The following TMEM132D variants were observed in gnomAD, a reference collection of about 807,000 sequenced individuals.
The protein encoded by TMEM132D is transmembrane protein 132D.
A neutral mutation model predicts 62.3 loss-of-function variants in TMEM132D; 21 were observed. The ratio of observed to expected loss-of-function variants is 0.34; its 90% CI spans 0.24 to 0.49. The LOEUF is 0.49. TMEM132D is among the 20% of genes least tolerant of loss of function. The pLI is 0.99. For missense variants in TMEM132D, 1,346 were observed against 1,402.8 expected (o/e 0.96, Z 0.65); for synonymous variants, 621 against 575.6 (o/e 1.08, Z -1.13).
At chr12:129,835,908 C>A (rs987759114) in intron 1 of TMEM132D, among the ~76,000 whole-genome samples, 6 of 152,208 alleles carry the variant, frequency 3.9e-5, no homozygotes, top group Admixed American at 3.3e-4. Context: ...AGGTGTGGAG[C>A]CCTCCTGGGC....
chr12:129,395,583 A>C (rs1321252223), intron 3 of TMEM132D, among the ~76,000 whole-genome samples: 3 of 152,008 alleles, frequency 2.0e-5, no homozygotes. Context: ...GCAATAAAAG[A>C]ATGGGTATTC....
chr12:129,502,544 G>A (rs780356432), intron 3 of TMEM132D, among the ~76,000 whole-genome samples: 8 of 151,878 alleles, frequency 5.3e-5, no homozygotes, highest in Non-Finnish European at 1.0e-4. Context: ...CTAGATCCAG[G>A]TGTTCAAACA....
At chr12:129,344,194 G>A (rs527460116) in intron 3 of TMEM132D, among the ~76,000 whole-genome samples, 86 of 152,122 alleles carry the variant, frequency 5.7e-4, no homozygotes, top group Non-Finnish European at 1.1e-3. Flanking sequence ...TCTTTCTTGC[G>A]TGAGATCCAA....
intron 3 of TMEM132D, among the ~76,000 whole-genome samples, chr12:129,362,304 G>A (rs1367692382): frequency 6.6e-6 from 1 of 152,110 alleles, no homozygotes; most frequent in Admixed American, 6.5e-5. Flanking sequence ...ACACTCAGAA[G>A]TACAAGGCAA....
intron 2 of TMEM132D, among the ~76,000 whole-genome samples, chr12:129,638,884 G>A (rs1418538564): frequency 6.6e-6 from 1 of 152,066 alleles, no homozygotes; most frequent in Non-Finnish European, 1.5e-5. Context: ...AGGGGCAAAT[G>A]AGAGTGCACA....
chr12:129,267,542 C>A (rs1854183995), intron 4 of TMEM132D, among the ~76,000 whole-genome samples: 1 of 152,142 alleles, frequency 6.6e-6, no homozygotes, highest in African/African-American at 2.4e-5. Context: ...AGGACACAAA[C>A]AAATGGAAGA....
chr12:129,686,780 G>C (rs10847921), intron 2 of TMEM132D, among the ~76,000 whole-genome samples: 42,955 of 151,942 alleles, frequency 0.28, 6,291 homozygotes, highest in South Asian at 0.36. Flanking sequence ...ATTGATTTCT[G>C]TCTTCCTACA....
At chr12:129,677,096 G>A (rs1261988499) in intron 2 of TMEM132D, among the ~76,000 whole-genome samples, 2 of 152,070 alleles carry the variant, frequency 1.3e-5, no homozygotes, top group African/African-American at 2.4e-5. Context: ...TTATCTTCTG[G>A]CATTGAATGA....
At chr12:129,164,896 T>C (rs927711529) in intron 5 of TMEM132D, among the ~76,000 whole-genome samples, 2 of 152,184 alleles carry the variant, frequency 1.3e-5, no homozygotes, top group African/African-American at 4.8e-5. Context: ...AGGTATTTAC[T>C]AGAGAACAAT....
chr12:129,279,790 T>C (rs1365092564), intron 4 of TMEM132D, among the ~76,000 whole-genome samples: 1 of 152,202 alleles, frequency 6.6e-6, no homozygotes, highest in Non-Finnish European at 1.5e-5. Flanking sequence ...AAGCGTCCGA[T>C]GGTGATCTCA....
intron 2 of TMEM132D, among the ~76,000 whole-genome samples, chr12:129,554,264 A>G (rs1049951719): frequency 2.0e-5 from 3 of 152,154 alleles, no homozygotes; most frequent in African/African-American, 7.2e-5. Context: ...GACTGTGATG[A>G]CAGCTCAAAA....
chr12:129,432,300 T>G (rs927440127), intron 3 of TMEM132D, among the ~76,000 whole-genome samples: 1 of 34,916 alleles, frequency 2.9e-5, no homozygotes, highest in African/African-American at 1.3e-4. Flanking sequence ...CTTGGATGGA[T>G]GGATGGATGG....
At chr12:129,503,779 ATTC>A (rs1875235472) in intron 3 of TMEM132D, among the ~76,000 whole-genome samples, 1 of 152,202 alleles carries the variant, frequency 6.6e-6, no homozygotes, top group Non-Finnish European at 1.5e-5. Context: ...GGGAACAATT[ATTC>A]TTCTCTCTGC....
chr12:129,073,750 T>G lies in TMEM132D; in HGVS notation c.*125A>C. The stretch of plus-strand genomic sequence containing the variant: ...CCGAGCCGGGGTCATTGGCTGAGGC[T>G]GTATGGATAGTGTCATCCTTATTTT... On this transcript the variant is annotated 3_prime_UTR_variant, in exon 9 of 9. Coordinates refer to ENST00000422113, the MANE Select transcript of TMEM132D (RefSeq NM_133448.3). 1.1e-6 allele frequency: 1 copy of G among 877,568 alleles called. No homozygotes were observed. The highest frequency in any genetic ancestry group is 1.9e-5 in the South Asian group (1 of 53,760). The allele number at this position is 877,568 out of a possible 1,614,324, so 54.4% of individuals were successfully genotyped here.
intron 3 of TMEM132D, among the ~76,000 whole-genome samples, chr12:129,431,225 C>T (rs35841040): frequency 0.16 from 24,442 of 152,272 alleles, 2,582 homozygotes; most frequent in Non-Finnish European, 0.24. Flanking sequence ...GGACGCGGAG[C>T]TTCAGTAACT....
chr12:129,185,949 C>A (rs537151385), intron 5 of TMEM132D, among the ~76,000 whole-genome samples: 1 of 152,316 alleles, frequency 6.6e-6, no homozygotes, highest in South Asian at 2.1e-4. Flanking sequence ...TCTGACAACA[C>A]CCTGGAAAAC....
At chr12:129,815,904 G>C (rs1345228570) in intron 1 of TMEM132D, among the ~76,000 whole-genome samples, 2 of 152,210 alleles carry the variant, frequency 1.3e-5, no homozygotes, top group South Asian at 2.1e-4. Context: ...GTGAAGGAAG[G>C]CTTAGTTCTT....
rs566906593 is a variant in TMEM132D, at chr12:129,901,582, C to T, written c.79+1679G>A. Reference sequence around the variant, plus strand: ...AAACATTTTACGTGCTAATTTTTGGCCACCTAGTAAAGAGGCTTCCACATC... The same window carrying T: ...AAACATTTTACGTGCTAATTTTTGGTCACCTAGTAAAGAGGCTTCCACATC... On this transcript the variant is annotated intron_variant, in intron 1 of 8. Coordinates refer to ENST00000422113, the MANE Select transcript of TMEM132D (RefSeq NM_133448.3). Among the ~76,000 whole-genome samples the T allele has an allele frequency of 8.5e-5, 13 of 152,216 alleles. No homozygotes were observed. The East Asian group carries it at 1.7e-3, about 20-fold the overall frequency.
intron 2 of TMEM132D, among the ~76,000 whole-genome samples, chr12:129,605,594 T>TATATATATATACACACAC (rs1878597887): frequency 1.6e-5 from 1 of 64,010 alleles, no homozygotes; most frequent in East Asian, 5.1e-4. Flanking sequence ...GCATTATATA[T>TATATATATATACACACAC]ATATATATAT....
Sources: gnomAD v4.1 joint callset for allele counts (sites outside exome capture counted in the v4.1 genomes callset) on GRCh38, gnomAD v4.1.1 for gene constraint, MANE v1.5 for transcripts, NCBI Gene and HGNC (gene_info 2026-07-23, HGNC 2026-07-21) for gene names.